PHKA1: variants seen among roughly 807,000 people sequenced by gnomAD.
The protein encoded by PHKA1 is phosphorylase b kinase regulatory subunit alpha, skeletal muscle isoform.
Under a neutral mutation model 110.2 loss-of-function variants are expected in PHKA1, and 60 were observed. The observed-to-expected ratio is 0.54, with a 90% CI of 0.44 to 0.68. PHKA1 has a LOEUF of 0.68. Among genes scored for constraint, PHKA1 ranks in the 30% least tolerant of loss-of-function variants. PHKA1 has a pLI of 0.00. For synonymous variants in PHKA1, 316 were observed against 333.6 expected, an observed-to-expected ratio of 0.95 and a Z score of 0.58; for missense variants, 801 against 942.5, an observed-to-expected ratio of 0.85 and a Z score of 1.97.
chrX:72,610,993 T>C (rs782216878), intron 22 of PHKA1, 35 bp downstream of exon 22: 1 of 1,130,287 alleles, frequency 8.8e-7, no homozygotes, highest in East Asian at 3.0e-5. Context: ...AGCACGCTTA[T>C]TTAGATTTGG....
chrX:72,649,218 G>T (rs2053397949), intron 13 of PHKA1, among the ~76,000 whole-genome samples: 1 of 112,028 alleles, frequency 8.9e-6, no homozygotes, highest in African/African-American at 3.2e-5. Flanking sequence ...AAACACACGA[G>T]ATTATTTTCC....
At chrX:72,654,072 A>G in intron 10 of PHKA1, among the ~76,000 whole-genome samples, 1 of 106,199 alleles carries the variant, frequency 9.4e-6, no homozygotes, top group East Asian at 6.0e-4. Flanking sequence ...GATGAAAAAA[A>G]AAAATAGTTC....
intron 25 of PHKA1, among the ~76,000 whole-genome samples, chrX:72,604,273 G>A (rs182306957): frequency 5.9e-4 from 66 of 111,186 alleles, no homozygotes; most frequent in Non-Finnish European, 8.5e-4. Flanking sequence ...ATGTTGCTTC[G>A]GGGAAGTTAG....
chrX:72,610,859 C>T (rs1424183425), intron 22 of PHKA1, among the ~76,000 whole-genome samples, 169 bp downstream of exon 22: 1 of 111,738 alleles, frequency 8.9e-6, no homozygotes, highest in Non-Finnish European at 1.9e-5. Flanking sequence ...TATAAATCTA[C>T]AATTCTTACT....
chrX:72,581,227 T>C (rs1556201425), intron 31 of PHKA1, 52 bp from the exon 32 acceptor site: 2 of 791,796 alleles, frequency 2.5e-6, no homozygotes, highest in African/African-American at 4.1e-5. Flanking sequence ...AAATTACCAA[T>C]CTTACTAAGT....
intron 4 of PHKA1, among the ~76,000 whole-genome samples, chrX:72,691,253 T>C (rs1394366038): frequency 2.7e-5 from 3 of 112,779 alleles, no homozygotes; most frequent in African/African-American, 9.7e-5. Flanking sequence ...TCAATTCTAT[T>C]CCAAAGAGCT....
chrX:72,612,539 A>G lies in PHKA1; in HGVS notation c.2370-1355T>C, dbSNP rs1475378328. On this transcript the variant is annotated intron_variant, in intron 21 of 31. Coordinates refer to ENST00000373542, the MANE Select transcript of PHKA1 (RefSeq NM_002637.4). The stretch of plus-strand genomic sequence containing the variant: ...TCACACACGTGAAATGCTGTATGCT[A>G]TGAGGGTACTTGCCATAGCATTTTT... 1.8e-5 allele frequency among the ~76,000 whole-genome samples: 2 copies of G among 112,181 alleles called. 1 individual carries two copies. The highest frequency in any genetic ancestry group is 8.4e-3 in the Middle Eastern group (2 of 239).
At chrX:72,653,233 TG>T (rs1296777604) in intron 11 of PHKA1, among the ~76,000 whole-genome samples, 16 of 112,187 alleles carry the variant, frequency 1.4e-4, no homozygotes, top group Non-Finnish European at 2.6e-4. Flanking sequence ...CTTGTCTGAC[TG>T]TGCAACAGTA....
At chrX:72,597,091 C>A (rs1217697394) in intron 28 of PHKA1, among the ~76,000 whole-genome samples, 1 of 111,807 alleles carries the variant, frequency 8.9e-6, no homozygotes, top group Non-Finnish European at 1.9e-5. Flanking sequence ...TACCTTATAC[C>A]ACACACAAAA....
At chrX:72,649,250 C>G (rs1409690807) in intron 13 of PHKA1, among the ~76,000 whole-genome samples, 1 of 111,959 alleles carries the variant, frequency 8.9e-6, no homozygotes, top group Non-Finnish European at 1.9e-5. Context: ...ACCCCAAAGT[C>G]AAGTGATTGG....
At chrX:72,660,399 T>C (rs1469260966) in intron 8 of PHKA1, 1 of 160,874 alleles carries the variant, frequency 6.2e-6, no homozygotes, top group Non-Finnish European at 1.3e-5. Context: ...TCATGTAGTA[T>C]GTAGTCTTTG....
At chrX:72,667,519 T>C (rs2053628306) in intron 6 of PHKA1, 46 bp from the exon 7 acceptor site, 1 of 981,269 alleles carries the variant, frequency 1.0e-6, no homozygotes, top group East Asian at 3.1e-5. Flanking sequence ...ATTAGAAAGA[T>C]ATATATTTCT....
chrX:72,680,767 G>A (rs1214916931), intron 5 of PHKA1, among the ~76,000 whole-genome samples: 50 of 91,926 alleles, frequency 5.4e-4, no homozygotes, highest in Non-Finnish European at 9.1e-4. Flanking sequence ...CCCGACCGCC[G>A]GGAGGATGGA....
chrX:72,598,317 C>T (rs1603252886), intron 28 of PHKA1, among the ~76,000 whole-genome samples: 1 of 111,505 alleles, frequency 9.0e-6, no homozygotes, highest in African/African-American at 3.3e-5. Context: ...GATACCAGTT[C>T]ACACCCATCA....
chrX:72,652,948 T>C (rs868925510), intron 11 of PHKA1, among the ~76,000 whole-genome samples: 47 of 111,555 alleles, frequency 4.2e-4, no homozygotes, highest in African/African-American at 1.5e-3. Flanking sequence ...GAGCTTATTC[T>C]ACTCATTCTC....
Position 72,713,834 on chromosome X carries a change from C to A in PHKA1, c.47G>T (p.Arg16Leu), listed in dbSNP as rs2054423210. 3 of 1,208,371 alleles carry A rather than the reference C, an allele frequency of 2.5e-6. No homozygotes were observed. Among genetic ancestry groups the A allele is most frequent in the Non-Finnish European group, 2.2e-6 (2 of 892,224 alleles). ...NSGVRLDGYA[R>L]LVQQTILCHQ... Reference sequence around the variant, plus strand: ...GCACAGGATGGTCTGTTGCACCAGTCGAGCGTAGCCGTCCAGCCGGACCCC... The same window carrying A: ...GCACAGGATGGTCTGTTGCACCAGTAGAGCGTAGCCGTCCAGCCGGACCCC... The change falls in exon 1 of 32, where the codon CGA (arginine) becomes CTA (leucine). Residue 16 changes from arginine to leucine, a missense_variant. This residue lies in a region of PHKA1 where 299 missense variants were observed against 423.3 expected (regional missense o/e 0.71). Transcript: ENST00000373542.
intron 28 of PHKA1, among the ~76,000 whole-genome samples, chrX:72,595,318 T>C (rs1438573391): frequency 1.8e-5 from 2 of 111,476 alleles, no homozygotes; most frequent in African/African-American, 6.5e-5. Context: ...ATTTTTTTCC[T>C]ACAACAACCC....
intron 5 of PHKA1, among the ~76,000 whole-genome samples, chrX:72,676,688 C>T (rs782455091): frequency 1.8e-5 from 2 of 111,909 alleles, no homozygotes; most frequent in South Asian, 7.4e-4. Flanking sequence ...GTGACAGAGC[C>T]AGGATTAGAA....
intron 28 of PHKA1, chrX:72,600,011 A>G (rs782043865): frequency 1.8e-5 from 6 of 341,518 alleles, no homozygotes; most frequent in Non-Finnish European, 3.1e-5. Context: ...CTGATGAAAT[A>G]GCTTTACCCT....
Sources: gnomAD v4.1 joint callset for allele counts (sites outside exome capture counted in the v4.1 genomes callset) on GRCh38, gnomAD v4.1.1 for gene constraint, gnomAD v4.1.1 regional missense constraint, MANE v1.5 for transcripts, NCBI Gene and HGNC (gene_info 2026-07-23, HGNC 2026-07-21) for gene names.